SOD2: variants seen among roughly 807,000 people sequenced by gnomAD.
SOD2 encodes superoxide dismutase 2, also known as superoxide dismutase [Mn], mitochondrial.
In SOD2, 11 loss-of-function variants were observed where a neutral mutation model predicts 27.0. The ratio of observed to expected loss-of-function variants is 0.41; its 90% CI spans 0.26 to 0.67. SOD2 has a LOEUF of 0.67. SOD2 is among the 30% of genes least tolerant of loss of function. The pLI is 0.34. For missense variants in SOD2, 250 were observed against 274.5 expected (o/e 0.91, Z 0.63); for synonymous variants, 105 against 103.0 (o/e 1.02, Z -0.12).
intron 1 of SOD2, among the ~76,000 whole-genome samples, chr6:159,753,864 G>A (rs954496757): frequency 5.9e-5 from 9 of 152,136 alleles, no homozygotes; most frequent in Admixed American, 5.2e-4. Flanking sequence ...GTTGGGGGTA[G>A]GATTTGGTAA....
intron 1 of SOD2, chr6:159,760,287 T>G (rs1233871409): frequency 6.6e-6 from 1 of 152,226 alleles, no homozygotes; most frequent in African/African-American, 2.4e-5. Flanking sequence ...ATTTTATTTA[T>G]TTGAGACAGT....
chr6:159,698,933 G>A (rs368333897), intron 1 of SOD2, among the ~76,000 whole-genome samples: 3 of 118,124 alleles, frequency 2.5e-5, no homozygotes, highest in South Asian at 6.8e-4. Context: ...TTGCTGTCTG[G>A]GGGGTGGGGG....
upstream of SOD2, among the ~76,000 whole-genome samples, chr6:159,695,652 G>T (rs1187909336): frequency 6.6e-6 from 1 of 152,086 alleles, no homozygotes; most frequent in Non-Finnish European, 1.5e-5. Context: ...ATACCACCAT[G>T]CCTGGCTAAT....
At chr6:159,745,602 G>A (rs1779528149), upstream of SOD2, among the ~76,000 whole-genome samples, 1 of 152,108 alleles carries the variant, frequency 6.6e-6, no homozygotes, top group Non-Finnish European at 1.5e-5. Flanking sequence ...TAAAGTTTCA[G>A]GTGAGAGTGA....
upstream of SOD2, among the ~76,000 whole-genome samples, chr6:159,747,970 T>G (rs1329018411): frequency 2.0e-5 from 3 of 152,184 alleles, no homozygotes; most frequent in Admixed American, 2.0e-4. Context: ...ATACATATAA[T>G]GTATAGTGAT....
upstream of SOD2, chr6:159,727,710 G>C: frequency 1.0e-6 from 1 of 985,442 alleles, no homozygotes; most frequent in Non-Finnish European, 1.2e-6. Flanking sequence ...AGAGGTAGGC[G>C]CGGGCCGGCT....
chr6:159,759,218 G>A (rs977036525), intron 1 of SOD2, among the ~76,000 whole-genome samples: 3 of 40,346 alleles, frequency 7.4e-5, no homozygotes, highest in African/African-American at 2.0e-4. Context: ...GTGGCACCAC[G>A]CCCAGCTAAT....
rs143916457 is a variant in SOD2, at chr6:159,753,550, A to G, written c.-335-4874T>C. ...GGCAGCTGTCCCAGGGACGTATTGCACAACTTGAAGCAGAGTTGGCTTTAC... is the reference window on the plus strand; with the variant it reads ...GGCAGCTGTCCCAGGGACGTATTGCGCAACTTGAAGCAGAGTTGGCTTTAC... On this transcript the variant is annotated intron_variant, in intron 1 of 7. Transcript: ENST00000546087. 279 of 1,614,216 alleles carry G rather than the reference A, an allele frequency of 1.7e-4. No homozygotes were observed. The East Asian group carries it at 6.1e-3, about 35-fold the overall frequency.
chr6:159,755,857 T>C, intron 1 of SOD2: 1 of 574,328 alleles, frequency 1.7e-6, no homozygotes, highest in South Asian at 4.9e-5. Context: ...TAAAAGGACA[T>C]TTTGTGTAGG....
chr6:159,739,792 G>T (rs959429047), intron 1 of SOD2, among the ~76,000 whole-genome samples: 2 of 142,446 alleles, frequency 1.4e-5, no homozygotes, highest in Middle Eastern at 3.4e-3. Flanking sequence ...TTCACCTTTG[G>T]ACAGCTACTG....
chr6:159,740,048 C>T (rs1274406674), intron 1 of SOD2, among the ~76,000 whole-genome samples: 1 of 151,836 alleles, frequency 6.6e-6, no homozygotes, highest in Non-Finnish European at 1.5e-5. Flanking sequence ...AGGTGAGGTG[C>T]TGCTCAGGCT....
At chr6:159,692,328 G>A (rs1392218882) in intron 2 of SOD2, 11 of 1,013,234 alleles carry the variant, frequency 1.1e-5, no homozygotes, top group Non-Finnish European at 7.8e-6. Context: ...CAAAAAAAAC[G>A]AGTGACACAG....
chr6:159,710,488 A>G (rs1269511241), intron 1 of SOD2, among the ~76,000 whole-genome samples: 3 of 152,068 alleles, frequency 2.0e-5, no homozygotes, highest in Non-Finnish European at 2.9e-5. Context: ...AAGCTGACCA[A>G]GAGTGATCAG....
At chr6:159,760,100 G>A (rs1780092130) in intron 1 of SOD2, among the ~76,000 whole-genome samples, 1 of 152,218 alleles carries the variant, frequency 6.6e-6, no homozygotes, top group Admixed American at 6.5e-5. Context: ...GTAAGATGCT[G>A]CACCAAATGC....
At chr6:159,755,444 C>G in intron 1 of SOD2, 3 of 1,614,028 alleles carry the variant, frequency 1.9e-6, no homozygotes, top group Non-Finnish European at 2.5e-6. Flanking sequence ...TGTAGACTCT[C>G]CCACGGGCAG....
At chr6:159,718,262 T>G (rs1208287747) in intron 1 of SOD2, among the ~76,000 whole-genome samples, 3 of 152,026 alleles carry the variant, frequency 2.0e-5, no homozygotes, top group Non-Finnish European at 4.4e-5. Context: ...CCTCCTAAAG[T>G]GCTGGGATTA....
intron 2 of SOD2, chr6:159,691,196 G>C (rs1235654482): frequency 6.6e-6 from 1 of 152,158 alleles, no homozygotes; most frequent in Non-Finnish European, 1.5e-5. Flanking sequence ...TGAAGAGAAA[G>C]GTTCCTGGTG....
At chr6:159,745,357 C>T (rs1385004990), upstream of SOD2, among the ~76,000 whole-genome samples, 5 of 152,006 alleles carry the variant, frequency 3.3e-5, no homozygotes, top group South Asian at 2.1e-4. Flanking sequence ...TCAAGGCCTT[C>T]GGTGATACCT....
rs1387238839 is a variant in SOD2, at chr6:159,727,263, C to T, written c.-250G>A. ...GCTAGGCCGACGGCCTCCCTCCCTTCACCTTTCCTCTCCTGGCGGGGTTCG... is the reference window on the plus strand; with the variant it reads ...GCTAGGCCGACGGCCTCCCTCCCTTTACCTTTCCTCTCCTGGCGGGGTTCG... On this transcript the variant is annotated 5_prime_UTR_variant, in exon 1 of 3. Transcript: ENST00000401980. The T allele has an allele frequency of 3.9e-6, 5 of 1,283,500 alleles. No homozygotes were observed. In the Admixed American group the frequency reaches 7.0e-5, roughly 18 times the overall value. 79.5% of individuals were successfully genotyped at this position (1,283,500 alleles called of 1,614,324 possible).
Sources: gnomAD v4.1 joint callset for allele counts (sites outside exome capture counted in the v4.1 genomes callset) on GRCh38, gnomAD v4.1.1 for gene constraint, MANE v1.5 for transcripts, NCBI Gene and HGNC (gene_info 2026-07-23, HGNC 2026-07-21) for gene names.